The following RBM26 variants were observed in gnomAD, a reference collection of about 807,000 sequenced individuals.
RBM26 encodes RNA binding motif protein 26.
In RBM26, 30 loss-of-function variants were observed where a neutral mutation model predicts 123.6. That is an observed-to-expected ratio of 0.24 (90% confidence interval 0.18 to 0.33). The LOEUF (loss-of-function observed/expected upper bound fraction) is 0.33, where lower values mean the gene tolerates loss of function less well. Among genes scored for constraint, RBM26 ranks in the 10% least tolerant of loss-of-function variants. The pLI, the probability that RBM26 is intolerant of heterozygous loss-of-function variation, is 1.00. For missense variants in RBM26, 947 were observed against 1,203.6 expected, an observed-to-expected ratio of 0.79 and a Z score of 3.15; for synonymous variants, 400 against 404.4, an observed-to-expected ratio of 0.99 and a Z score of 0.13.
rs1440763483 is a variant in RBM26, at chr13:79,319,328, G to C, written c.*1293C>G. The C allele has an allele frequency of 1.0e-6, 1 of 981,554 alleles. No homozygotes were observed. Among genetic ancestry groups the C allele is most frequent in the Non-Finnish European group, 1.2e-6 (1 of 826,812 alleles). The allele number at this position is 981,554 out of a possible 1,614,324, so 60.8% of individuals were successfully genotyped here. ...CAGAAACACTTGCAATCAAAATGATGAATTTGAAAATATAAATATGTAATC... is the reference window on the plus strand; with the variant it reads ...CAGAAACACTTGCAATCAAAATGATCAATTTGAAAATATAAATATGTAATC... On this transcript the variant is annotated 3_prime_UTR_variant, in exon 22 of 22. Coordinates refer to ENST00000438737, the MANE Select transcript of RBM26 (RefSeq NM_001366735.2).
chr13:79,328,092 G>A (rs1363966084), intron 20 of RBM26, among the ~76,000 whole-genome samples: 1 of 152,064 alleles, frequency 6.6e-6, no homozygotes, highest in African/African-American at 2.4e-5. Context: ...GTATTATTAT[G>A]TTCATTCTCC....
intron 18 of RBM26, among the ~76,000 whole-genome samples, chr13:79,337,988 C>A: frequency 6.6e-6 from 1 of 152,142 alleles, no homozygotes; most frequent in East Asian, 1.9e-4. Flanking sequence ...GAGGCCGAGG[C>A]AGGCAGATCA....
At chr13:79,394,077 C>T (rs957229325) in intron 1 of RBM26, among the ~76,000 whole-genome samples, 1 of 152,144 alleles carries the variant, frequency 6.6e-6, no homozygotes, top group Non-Finnish European at 1.5e-5. Flanking sequence ...AAGCCGGGAT[C>T]CCCCGCAGAT....
intron 1 of RBM26, among the ~76,000 whole-genome samples, chr13:79,404,737 A>G (rs909481914): frequency 6.6e-6 from 1 of 152,206 alleles, no homozygotes. Context: ...ACCTTCTCTG[A>G]GAGTCCTTCC....
chr13:79,358,240 AG>A, intron 11 of RBM26, 33 bp downstream of exon 11: 1 of 1,530,380 alleles, frequency 6.5e-7, no homozygotes, highest in Non-Finnish European at 8.8e-7. Context: ...CTAAACAGAA[AG>A]AAGAGATAAC....
chr13:79,399,021 ACT>A (rs985709992), intron 1 of RBM26, among the ~76,000 whole-genome samples: 2 of 152,138 alleles, frequency 1.3e-5, no homozygotes, highest in African/African-American at 4.8e-5. Flanking sequence ...AGGGCCTGAG[ACT>A]CTAATAATAA....
intron 9 of RBM26, 152 bp from the exon 10 acceptor site, chr13:79,359,838 T>G (rs747286820): frequency 1.8e-4 from 36 of 198,228 alleles, no homozygotes; most frequent in Non-Finnish European, 2.8e-4. Context: ...TAGAAATAAA[T>G]GTATAGTAGC....
intron 17 of RBM26, among the ~76,000 whole-genome samples, chr13:79,342,007 AT>A (rs1224061930): frequency 6.6e-6 from 1 of 151,806 alleles, no homozygotes; most frequent in African/African-American, 2.4e-5. Flanking sequence ...TGTTGTAGCA[AT>A]TTTTGAGCTA....
At chr13:79,316,469 T>G (rs12865187), downstream of RBM26, among the ~76,000 whole-genome samples, 69,445 of 151,378 alleles carry the variant, frequency 0.46, 16,876 homozygotes, top group East Asian at 0.72. Context: ...CAAAATCAGT[T>G]CTAGTAAGAA....
chr13:79,366,984 A>G, intron 6 of RBM26, 112 bp from the exon 7 acceptor site: 1 of 898,972 alleles, frequency 1.1e-6, no homozygotes, highest in Non-Finnish European at 1.6e-6. Flanking sequence ...AATATTGGAC[A>G]AAAGTATAAT....
intron 3 of RBM26, among the ~76,000 whole-genome samples, chr13:79,375,453 G>C (rs1262826013): frequency 2.6e-5 from 4 of 151,916 alleles, no homozygotes; most frequent in Non-Finnish European, 4.4e-5. Context: ...TTACAGGCGA[G>C]AGCCACAGTG....
chr13:79,397,472 G>C (rs748807711), intron 1 of RBM26, among the ~76,000 whole-genome samples: 1 of 151,498 alleles, frequency 6.6e-6, no homozygotes, highest in African/African-American at 2.4e-5. Flanking sequence ...TCAGGAGATC[G>C]AGACCATCCT....
intron 14 of RBM26, among the ~76,000 whole-genome samples, chr13:79,351,449 G>T (rs1437048503): frequency 6.6e-6 from 1 of 151,954 alleles, no homozygotes; most frequent in Non-Finnish European, 1.5e-5. Flanking sequence ...CCTAATCCAA[G>T]TAAGTATTTG....
chr13:79,367,406 C>CAAAAAAAAAAAAAAAAAAA lies in RBM26; in HGVS notation c.896-553_896-535dup, dbSNP rs776345304. 4.7e-3 allele frequency among the ~76,000 whole-genome samples: 186 copies of CAAAAAAAAAAAAAAAAAAA among 39,636 alleles called. 13 individuals are homozygous for CAAAAAAAAAAAAAAAAAAA. Among genetic ancestry groups the CAAAAAAAAAAAAAAAAAAA allele is most frequent in the Non-Finnish European group, 9.4e-3 (147 of 15,636 alleles). The allele number at this position is 39,636 out of a possible 152,430, so 26.0% of individuals were successfully genotyped here. On this transcript the variant is annotated intron_variant, in intron 6 of 21. Coordinates refer to ENST00000438737, the MANE Select transcript of RBM26 (RefSeq NM_001366735.2). ...TGGGGTATAGGGGGAGACTCCATCTCAAAAAAAAAAAAAAAAAAAAAAAAA... is the reference window on the plus strand; with the variant it reads ...TGGGGTATAGGGGGAGACTCCATCTCAAAAAAAAAAAAAAAAAAAAAAAAAAAAAAAAAAAAAAAAAAAA...
At chr13:79,402,050 T>C (rs1285645410) in intron 1 of RBM26, among the ~76,000 whole-genome samples, 1 of 151,448 alleles carries the variant, frequency 6.6e-6, no homozygotes, top group Non-Finnish European at 1.5e-5. Flanking sequence ...ATGACTTTGA[T>C]GTGTAAGTCC....
At chr13:79,394,131 G>A (rs2078346183) in intron 1 of RBM26, among the ~76,000 whole-genome samples, 1 of 152,160 alleles carries the variant, frequency 6.6e-6, no homozygotes, top group African/African-American at 2.4e-5. Context: ...CAGCTCAAAT[G>A]ACCTCCAACC....
chr13:79,351,001 T>G (rs1354959993), intron 14 of RBM26, among the ~76,000 whole-genome samples: 1 of 152,234 alleles, frequency 6.6e-6, no homozygotes, highest in African/African-American at 2.4e-5. Flanking sequence ...CATAAATAGC[T>G]TGCTACCATA....
At chr13:79,375,275 C>T (rs372702601) in intron 3 of RBM26, among the ~76,000 whole-genome samples, 3 of 150,244 alleles carry the variant, frequency 2.0e-5, no homozygotes, top group African/African-American at 7.3e-5. Flanking sequence ...CAGGTTCAAG[C>T]GATTCTCCTG....
At chr13:79,324,529 T>C (rs996140087) in intron 20 of RBM26, among the ~76,000 whole-genome samples, 5 of 151,854 alleles carry the variant, frequency 3.3e-5, no homozygotes, top group African/African-American at 1.2e-4. Context: ...GCAAAATATT[T>C]TCCCCGATTG....
Sources: gnomAD v4.1 joint callset for allele counts (sites outside exome capture counted in the v4.1 genomes callset) on GRCh38, gnomAD v4.1.1 for gene constraint, MANE v1.5 for transcripts, NCBI Gene and HGNC (gene_info 2026-07-23, HGNC 2026-07-21) for gene names.